CAPN13: variants seen among roughly 807,000 people sequenced by gnomAD.
CAPN13 encodes calpain 13.
CAPN13 carries 90 observed loss-of-function variants against 98.4 expected under a neutral mutation model. The ratio of observed to expected loss-of-function variants is 0.92; its 90% confidence interval spans 0.77 to 1.09. The LOEUF (loss-of-function observed/expected upper bound fraction) is 1.09. CAPN13 is among the 50% of genes least tolerant of loss of function. The probability of loss-of-function intolerance (pLI) is 0.00; values close to 1 mark genes in which losing one functional copy is unlikely to be tolerated. For synonymous variants in CAPN13, 330 were observed against 305.5 expected (o/e 1.08, Z -0.84); for missense variants, 887 against 841.3 (o/e 1.05, Z -0.67).
intron 7 of CAPN13, among the ~76,000 whole-genome samples, chr2:30,759,497 G>A (rs2148011469): frequency 6.6e-6 from 1 of 152,336 alleles, no homozygotes; most frequent in South Asian, 2.1e-4. Context: ...TGTCTGAGGA[G>A]ACAGAGGCCC....
At chr2:30,766,798 T>G (rs955490650) in intron 5 of CAPN13, among the ~76,000 whole-genome samples, 2 of 152,232 alleles carry the variant, frequency 1.3e-5, no homozygotes, top group African/African-American at 2.4e-5. Flanking sequence ...CTCAATCTCC[T>G]CTCTATTTCA....
intron 1 of CAPN13, among the ~76,000 whole-genome samples, chr2:30,802,659 G>C (rs992494896): frequency 6.6e-6 from 1 of 152,048 alleles, no homozygotes; most frequent in African/African-American, 2.4e-5. Context: ...AGGACTGAGG[G>C]CAAGAAGGAA....
chr2:30,746,671 C>A (rs1323396776), intron 11 of CAPN13: 1 of 197,492 alleles, frequency 5.1e-6, no homozygotes, highest in Non-Finnish European at 1.0e-5. Context: ...ATGAGGATAA[C>A]CTCAAAAAAT....
intron 11 of CAPN13, among the ~76,000 whole-genome samples, chr2:30,750,690 T>C (rs1248781613): frequency 1.3e-5 from 2 of 152,266 alleles, no homozygotes; most frequent in African/African-American, 4.8e-5. Context: ...CAAACTTTAA[T>C]GTGCATAAGC....
At chr2:30,806,827 T>C (rs183173157) in intron 1 of CAPN13, among the ~76,000 whole-genome samples, 35 of 152,330 alleles carry the variant, frequency 2.3e-4, no homozygotes, top group Admixed American at 5.2e-4. Flanking sequence ...TTCCTATAAC[T>C]AATAAGCTAG....
chr2:30,738,489 A>G (rs759746062), intron 15 of CAPN13, 32 bp from the exon 16 acceptor site: 1 of 1,581,472 alleles, frequency 6.3e-7, no homozygotes. Flanking sequence ...TGCAGGAATT[A>G]TATCAGTGCC....
At chr2:30,740,062 G>A (rs1187853583) in intron 15 of CAPN13, among the ~76,000 whole-genome samples, 1 of 147,912 alleles carries the variant, frequency 6.8e-6, no homozygotes, top group East Asian at 2.1e-4. Flanking sequence ...ACCGGTGGTA[G>A]TATCAAGTCA....
intron 8 of CAPN13, among the ~76,000 whole-genome samples, chr2:30,757,193 C>G (rs1476233936): frequency 1.3e-5 from 2 of 152,250 alleles, no homozygotes; most frequent in African/African-American, 4.8e-5. Context: ...CGGATGGACA[C>G]AGACCCTGGA....
At chr2:30,729,437 T>C (rs1026597088) in intron 22 of CAPN13, 1 of 152,216 alleles carries the variant, frequency 6.6e-6, no homozygotes, top group African/African-American at 2.4e-5. Context: ...GAAAAGGTAG[T>C]AAGAGAGAAT....
intron 4 of CAPN13, among the ~76,000 whole-genome samples, chr2:30,775,409 T>G (rs1673633510): frequency 1.3e-5 from 2 of 152,198 alleles, no homozygotes; most frequent in Admixed American, 1.3e-4. Flanking sequence ...ACAATAAAAA[T>G]GTAATTTTTC....
rs1380078563 is a variant in CAPN13, at chr2:30,775,940, A to G, written c.377T>C (p.Phe126Ser). Residue 126 changes from phenylalanine to serine, a missense_variant, in exon 4 of 23, where the codon TTC becomes TCC. Coordinates refer to ENST00000295055, the MANE Select transcript of CAPN13 (RefSeq NM_144575.3). ...CAAGGGCACACGTACCCGGAAACGG[A>G]AAATGCCAGCATACTGGTGTGAAAA... Reference protein sequence around the residue: ...QSFSHQYAGIFRFRFWQCGQW... With the variant: ...QSFSHQYAGISRFRFWQCGQW... 6.2e-7 allele frequency: 1 copy of G among 1,607,882 alleles called. No homozygotes were observed. The highest frequency in any genetic ancestry group is 1.7e-5 in the Admixed American group (1 of 59,518).
At chr2:30,768,047 T>C (rs181841805) in intron 5 of CAPN13, among the ~76,000 whole-genome samples, 300 of 152,336 alleles carry the variant, frequency 2.0e-3, no homozygotes, top group African/African-American at 6.8e-3. Context: ...CTCAAGGGCA[T>C]GGTCCTCTCT....
At chr2:30,784,783 T>C (rs1674177313) in intron 2 of CAPN13, among the ~76,000 whole-genome samples, 1 of 152,216 alleles carries the variant, frequency 6.6e-6, no homozygotes, top group Non-Finnish European at 1.5e-5. Flanking sequence ...TACTCTCTGA[T>C]TCTGCTTCTC....
intron 8 of CAPN13, 66 bp downstream of exon 8, chr2:30,757,980 G>C: frequency 8.0e-7 from 1 of 1,244,258 alleles, no homozygotes; most frequent in Non-Finnish European, 1.1e-6. Context: ...CTGCTCTCAT[G>C]GGCAGGAGGC....
At chr2:30,774,643 T>A (rs1558329244) in intron 4 of CAPN13, among the ~76,000 whole-genome samples, 1 of 152,158 alleles carries the variant, frequency 6.6e-6, no homozygotes, top group Non-Finnish European at 1.5e-5. Flanking sequence ...GGATAGCTAT[T>A]GAATACATTG....
chr2:30,731,790 G>A (rs1399197094), intron 20 of CAPN13, among the ~76,000 whole-genome samples: 2 of 152,186 alleles, frequency 1.3e-5, no homozygotes, highest in Admixed American at 6.5e-5. Context: ...TGTACCTCAG[G>A]CTTCTCTTTT....
intron 5 of CAPN13, among the ~76,000 whole-genome samples, chr2:30,765,802 G>A (rs923119750): frequency 5.3e-5 from 8 of 152,238 alleles, no homozygotes; most frequent in Non-Finnish European, 8.8e-5. Flanking sequence ...ATTAAAGAAA[G>A]CTGAGGATTC....
chr2:30,738,753 G>T lies in CAPN13; in HGVS notation c.1537-296C>A, dbSNP rs143789133. ...AGTTTAGTCCTTGCCACTATCTCTG[G>T]CACTGGGGAACCCCTCAGGGTAAGT... On this transcript the variant is annotated intron_variant, in intron 15 of 22. Coordinates refer to ENST00000295055, the MANE Select transcript of CAPN13 (RefSeq NM_144575.3). Among the ~76,000 whole-genome samples the T allele has an allele frequency of 2.0e-4, 30 of 152,192 alleles. No homozygotes were observed. The East Asian group carries it at 5.8e-3, about 29-fold the overall frequency.
In CAPN13 at chr2:30,742,827, A is replaced by C. The variant is rs542999812; in HGVS notation, c.1446-468T>G. On this transcript the variant is annotated intron_variant, in intron 13 of 22. Transcript: ENST00000295055. ...CCCAGTCTTGAATGATCAAGTTGGC[A>C]TGGAAGACCCTCCATGATGGACTCT... is the stretch of plus-strand genomic sequence containing the variant. 2.0e-5 allele frequency among the ~76,000 whole-genome samples: 3 copies of C among 152,288 alleles called. 1 individual carries two copies. In the South Asian group the frequency reaches 6.2e-4, roughly 32 times the overall value.
Sources: allele counts gnomAD v4.1 joint callset (sites outside exome capture counted in the v4.1 genomes callset), GRCh38; gene constraint gnomAD v4.1.1; transcripts MANE v1.5; gene names NCBI Gene and HGNC (gene_info 2026-07-23, HGNC 2026-07-21).